Variants in SVIL observed in about 807,000 individuals in gnomAD.
The protein encoded by SVIL is supervillin, also known as archvillin.
In SVIL, 101 loss-of-function variants were observed where a neutral mutation model predicts 240.4. That is an observed-to-expected ratio of 0.42 (90% CI 0.36 to 0.50). SVIL has a LOEUF of 0.50. Ranked by LOEUF, SVIL falls within the 20% of genes least tolerant of loss-of-function variation. The probability of loss-of-function intolerance (pLI) is 0.01; values close to 1 mark genes in which losing one functional copy is unlikely to be tolerated. For synonymous variants in SVIL, 999 were observed against 1,100.0 expected (o/e 0.91, Z 1.82); for missense variants, 2,512 against 2,818.7 (o/e 0.89, Z 2.46).
At chr10:29,658,424 A>G (rs1479609332) in intron 2 of SVIL, among the ~76,000 whole-genome samples, 4 of 152,256 alleles carry the variant, frequency 2.6e-5, no homozygotes, top group Non-Finnish European at 4.4e-5. Context: ...TTTTTGGTAA[A>G]TATGAGTACT....
At chr10:29,657,009 A>T (rs80266149) in intron 3 of SVIL, among the ~76,000 whole-genome samples, 2,314 of 152,344 alleles carry the variant, frequency 0.015, 67 homozygotes, top group African/African-American at 0.053. Context: ...TACTATTATA[A>T]GCATCTTACA....
rs1454890671 is a variant in SVIL at position 29,522,631 on chromosome 10, T to A, written c.3168A>T (p.Ala1056=). 1.2e-6 allele frequency: 2 copies of A among 1,613,744 alleles called. No homozygotes were observed. Among genetic ancestry groups the A allele is most frequent in the Non-Finnish European group, 1.7e-6 (2 of 1,179,928 alleles). Residue 1056 remains alanine, a synonymous_variant, in exon 16 of 38, where the codon GCA becomes GCT. Transcript: ENST00000355867. ...GCTCGGAAGTGGGCTCCCCGAACTC[T>A]GCCGCTGGGAAGGAAAAGAGCAACA... The part of the protein sequence containing the change: ...VMKRKFSLRA[A]EFGEPTSEQT...
chr10:29,527,851 G>A lies in SVIL; in HGVS notation c.2247-795C>T, dbSNP rs555641307. ...AGCATTTCTCCTGCCTCAGCCTCCC[G>A]AGTAGCTGGGATTACAGGCGTGCGC... On this transcript the variant is annotated intron_variant, in intron 12 of 37. Transcript: ENST00000355867. Among the ~76,000 whole-genome samples, 500 of 149,232 alleles carry A rather than the reference G, an allele frequency of 3.4e-3. 2 individuals are homozygous for A. Among genetic ancestry groups the A allele is most frequent in the Non-Finnish European group, 6.5e-3 (439 of 67,648 alleles).
chr10:29,699,322 T>G (rs1193018610), intron 1 of SVIL, among the ~76,000 whole-genome samples: 1 of 150,488 alleles, frequency 6.6e-6, no homozygotes, highest in African/African-American at 2.4e-5. Context: ...TTTGTTTTTT[T>G]GAGATGGAGT....
intron 1 of SVIL, among the ~76,000 whole-genome samples, chr10:29,694,774 T>TA (rs1204857846): frequency 2.0e-5 from 3 of 152,138 alleles, no homozygotes; most frequent in Non-Finnish European, 1.5e-5. Flanking sequence ...GTTCTCTTAA[T>TA]ATAACCAAAG....
In SVIL at chr10:29,526,864, T is replaced by A. The variant is rs2132544472; in HGVS notation, c.2342+97A>T. The stretch of plus-strand genomic sequence containing the variant: ...TGGAACAACTCACGGCATTGACTTG[T>A]TTGTCAAACAAACGACAGACATTCA... On this transcript the variant is annotated intron_variant, in intron 13 of 37. Transcript: ENST00000355867. 3 of 1,053,158 alleles carry A rather than the reference T, an allele frequency of 2.8e-6. No individual in the cohort carries two copies. In the East Asian group the frequency reaches 8.5e-5, roughly 30 times the overall value. The allele number at this position is 1,053,158 out of a possible 1,614,324, so 65.2% of individuals were successfully genotyped here.
chr10:29,577,381 C>T (rs780325768), intron 1 of SVIL, among the ~76,000 whole-genome samples: 4 of 152,154 alleles, frequency 2.6e-5, no homozygotes, highest in Non-Finnish European at 4.4e-5. Flanking sequence ...ACAACTCTTA[C>T]GCCTTTGAGT....
intron 18 of SVIL, among the ~76,000 whole-genome samples, chr10:29,495,619 AGT>A (rs1174736669): frequency 6.6e-6 from 1 of 152,218 alleles, no homozygotes; most frequent in Non-Finnish European, 1.5e-5. Flanking sequence ...AGGGAGGGAC[AGT>A]GGCCCTGGGG....
At chr10:29,502,281 C>T (rs180841316) in intron 17 of SVIL, among the ~76,000 whole-genome samples, 240 of 152,226 alleles carry the variant, frequency 1.6e-3, no homozygotes, top group East Asian at 0.01. Context: ...AAAGCATATA[C>T]AGTTTGTTTA....
chr10:29,684,309 C>T (rs1477504484), intron 2 of SVIL, among the ~76,000 whole-genome samples: 7 of 152,164 alleles, frequency 4.6e-5, no homozygotes, highest in Non-Finnish European at 1.0e-4. Flanking sequence ...GTGACACAGA[C>T]TCAAGAGCTC....
At chr10:29,497,952 C>T (rs746661153) in intron 18 of SVIL, among the ~76,000 whole-genome samples, 37 of 151,274 alleles carry the variant, frequency 2.4e-4, no homozygotes, top group South Asian at 4.2e-4. Flanking sequence ...CATGGTGGCG[C>T]GCGCCTGTGA....
chr10:29,488,088 C>A (rs1055728347), intron 23 of SVIL, among the ~76,000 whole-genome samples: 4 of 152,094 alleles, frequency 2.6e-5, no homozygotes, highest in Non-Finnish European at 5.9e-5. Context: ...TCCCTTGCTA[C>A]GGACAGGAAG....
At chr10:29,663,448 G>A (rs1959180773) in intron 2 of SVIL, among the ~76,000 whole-genome samples, 1 of 152,090 alleles carries the variant, frequency 6.6e-6, no homozygotes, top group African/African-American at 2.4e-5. Flanking sequence ...GAGTGCAGTG[G>A]CACAATCTCA....
At chr10:29,466,548 A>T (rs1944949082) in intron 33 of SVIL, among the ~76,000 whole-genome samples, 1 of 152,184 alleles carries the variant, frequency 6.6e-6, no homozygotes, top group African/African-American at 2.4e-5. Flanking sequence ...GGATTATTTT[A>T]AAAAGTATTC....
chr10:29,662,754 G>A (rs978492832), intron 2 of SVIL, among the ~76,000 whole-genome samples: 2 of 151,664 alleles, frequency 1.3e-5, no homozygotes, highest in Non-Finnish European at 2.9e-5. Context: ...AGAAGACAGG[G>A]CAGCAGGGAT....
chr10:29,599,350 G>T (rs953198252), intron 1 of SVIL, among the ~76,000 whole-genome samples: 1 of 151,976 alleles, frequency 6.6e-6, no homozygotes, highest in East Asian at 1.9e-4. Context: ...ATTCAACATC[G>T]TGAGAATGTT....
At position 29,462,404 on chromosome 10, in the gene SVIL, G is replaced by C. The variant is rs113856345; in HGVS notation, c.6278-3C>G. Reference sequence around the variant, plus strand: ...GGCTGGTTTCTTGAGATTTTTTCCTGTAGTTACACAGATTGCAATGTCAGT... The same window carrying C: ...GGCTGGTTTCTTGAGATTTTTTCCTCTAGTTACACAGATTGCAATGTCAGT... On this transcript the variant is annotated splice_region_variant and splice_polypyrimidine_tract_variant and intron_variant, in intron 35 of 37. Transcript: ENST00000355867. 3 of 1,613,790 alleles carry C rather than the reference G, an allele frequency of 1.9e-6. No homozygotes were observed. The highest frequency in any genetic ancestry group is 2.5e-6 in the Non-Finnish European group (3 of 1,179,900).
chr10:29,644,412 A>G (rs536086197), intron 3 of SVIL, among the ~76,000 whole-genome samples: 2 of 152,274 alleles, frequency 1.3e-5, no homozygotes, highest in South Asian at 4.1e-4. Context: ...CCAAGGACCG[A>G]GAAACCCCAC....
At chr10:29,461,817 T>A (rs557169010) in intron 36 of SVIL, among the ~76,000 whole-genome samples, 1 of 148,976 alleles carries the variant, frequency 6.7e-6, no homozygotes, top group East Asian at 2.0e-4. Flanking sequence ...CATAAGGGAG[T>A]CGCAGCACCT....
Sources: allele counts gnomAD v4.1 joint callset (sites outside exome capture counted in the v4.1 genomes callset), GRCh38; gene constraint gnomAD v4.1.1; transcripts MANE v1.5; gene names NCBI Gene and HGNC (gene_info 2026-07-23, HGNC 2026-07-21).